Variants in TLDC2 observed in about 807,000 individuals in gnomAD.
TLDC2 encodes the protein TBC/LysM-associated domain containing 2.
TLDC2 carries 23 observed loss-of-function variants against 27.9 expected under a neutral mutation model. That is an observed-to-expected ratio of 0.82 (90% CI 0.59 to 1.17). TLDC2 has a LOEUF of 1.17. Ranked by LOEUF, TLDC2 falls within the 50% of genes most tolerant of loss-of-function variation. The pLI is 0.00. For synonymous variants in TLDC2, 124 were observed against 107.4 expected, an observed-to-expected ratio of 1.16 and a Z score of -0.96; for missense variants, 286 against 273.4, an observed-to-expected ratio of 1.05 and a Z score of -0.32.
intron 3 of TLDC2, among the ~76,000 whole-genome samples, chr20:36,879,556 G>A (rs113716636): frequency 4.5e-4 from 69 of 151,994 alleles, no homozygotes; most frequent in African/African-American, 1.7e-3. Flanking sequence ...GAAACTATGG[G>A]GGTGCTGGGC....
chr20:36,880,844 G>GA, intron 4 of TLDC2, 94 bp downstream of exon 4: 5 of 1,157,540 alleles, frequency 4.3e-6, no homozygotes, highest in African/African-American at 1.5e-5. Flanking sequence ...CTCCACGATG[G>GA]GCTGCCTGGT....
chr20:36,879,550 C>T (rs1038819005), intron 3 of TLDC2, among the ~76,000 whole-genome samples: 2 of 151,966 alleles, frequency 1.3e-5, no homozygotes, highest in Admixed American at 1.3e-4. Flanking sequence ...GCAGAAGAAA[C>T]TATGGGGGTG....
intron 3 of TLDC2, among the ~76,000 whole-genome samples, chr20:36,879,732 G>T (rs1989758106): frequency 1.3e-5 from 2 of 151,718 alleles, no homozygotes; most frequent in Admixed American, 6.6e-5. Context: ...AGCCAGGTGT[G>T]GTGGTGTATG....
Position 36,877,922 on chromosome 20 carries a change from G to A in TLDC2, c.57G>A (p.Leu19=), listed in dbSNP as rs1989709754. 2.5e-6 allele frequency: 4 copies of A among 1,613,792 alleles called. No individual in the cohort carries two copies. The highest frequency in any genetic ancestry group is 2.5e-6 in the Non-Finnish European group (3 of 1,179,892). Residue 19 remains leucine (L), a synonymous_variant, in exon 2 of 7, where the codon CTG becomes CTA. Transcript: ENST00000217320. ...TRLPSQVEDT[L]SGEEGNEEEE... The stretch of plus-strand genomic sequence containing the variant: ...AGCCCAGCCAGGTGGAGGACACCCT[G>A]TCTGGGGAGGAGGGTAACGAAGAGG...
chr20:36,887,138 A>G (rs1314695736), intron 4 of TLDC2, among the ~76,000 whole-genome samples: 2 of 152,100 alleles, frequency 1.3e-5, no homozygotes, highest in East Asian at 3.9e-4. Flanking sequence ...GGGCAGTATC[A>G]GTTCCCACTC....
rs1250852040 is a variant in TLDC2 at position 36,876,190 on chromosome 20, T to C, written c.16T>C (p.Trp6Arg). 3.1e-6 allele frequency: 5 copies of C among 1,614,160 alleles called. No homozygotes were observed. Among genetic ancestry groups the C allele is most frequent in the Non-Finnish European group, 4.2e-6 (5 of 1,179,994 alleles). The change falls in exon 1 of 7, where the codon TGG (tryptophan) becomes CGG (arginine). Residue 6 changes from tryptophan (W) to arginine (R), a missense_variant. Coordinates refer to ENST00000217320, the MANE Select transcript of TLDC2 (RefSeq NM_080628.3). ...GGACAGGAGAATGAGAGGCCTCCGC[T>C]GGCGTTACACTCGGCTGGTAAGGGT... MRGLR[W>R]RYTRLPSQVE... is the part of the protein sequence containing the mutation.
At chr20:36,880,070 C>CATATATATATATATATATAT (rs1186641126) in intron 3 of TLDC2, among the ~76,000 whole-genome samples, 3 of 73,048 alleles carry the variant, frequency 4.1e-5, no homozygotes, top group African/African-American at 9.4e-5. Flanking sequence ...TATATATATA[C>CATATATATATATATATATAT]ATATATATAT....
chr20:36,889,718 A>G (rs929462395), intron 6 of TLDC2: 11 of 207,076 alleles, frequency 5.3e-5, no homozygotes, highest in African/African-American at 2.3e-4. Flanking sequence ...ATTTTTCACT[A>G]TGCTGTTCCT....
At position 36,877,398 on chromosome 20, in the gene TLDC2, G is replaced by A. The variant is rs1387165209; in HGVS notation, c.34-501G>A. Among the ~76,000 whole-genome samples, 25 of 131,514 alleles carry A rather than the reference G, an allele frequency of 1.9e-4. 1 individual carries two copies. The highest frequency in any genetic ancestry group is 5.5e-4 in the African/African-American group (19 of 34,310). The allele number at this position is 131,514 out of a possible 152,430, so 86.3% of individuals were successfully genotyped here. A position where few individuals can be genotyped will look rare whatever the true frequency, so the allele number is the denominator to read the frequency against. On this transcript the variant is annotated intron_variant, in intron 1 of 6. Transcript: ENST00000217320. ...CCTGTCTCAAAAAAAAAAAAAAAAG[G>A]AAAAAGAAAAAAGAAGAAGAAACAC... is the stretch of plus-strand genomic sequence containing the variant.
chr20:36,883,952 G>A (rs1254236498), intron 4 of TLDC2, among the ~76,000 whole-genome samples: 1 of 152,188 alleles, frequency 6.6e-6, no homozygotes, highest in African/African-American at 2.4e-5. Context: ...AAATTAGCCA[G>A]ACATGGTGGT....
chr20:36,890,054 C>G (rs1990023196), intron 6 of TLDC2: 1 of 152,206 alleles, frequency 6.6e-6, no homozygotes. Flanking sequence ...CAGCGTCGTT[C>G]CTCCTCTGGC....
At chr20:36,880,873 A>C in intron 4 of TLDC2, 123 bp downstream of exon 4, 1 of 871,662 alleles carries the variant, frequency 1.1e-6, no homozygotes, top group Non-Finnish European at 1.9e-6. Context: ...ATCTTCCCAC[A>C]GGGGAATGAG....
intron 4 of TLDC2, 55 bp from the exon 5 acceptor site, chr20:36,887,400 C>T (rs1989944450): frequency 6.6e-7 from 1 of 1,525,580 alleles, no homozygotes; most frequent in Admixed American, 1.7e-5. Context: ...GGTCAAACTG[C>T]AAGGGCGGGA....
intron 2 of TLDC2, among the ~76,000 whole-genome samples, chr20:36,878,570 G>T (rs1989727769): frequency 6.6e-6 from 1 of 152,058 alleles, no homozygotes; most frequent in Non-Finnish European, 1.5e-5. Flanking sequence ...GACAGAGTGA[G>T]ACTCTGTCTC....
At chr20:36,879,217 C>G in intron 3 of TLDC2, 24 bp downstream of exon 3, 1 of 1,603,312 alleles carries the variant, frequency 6.2e-7, no homozygotes, top group East Asian at 2.2e-5. Flanking sequence ...GGGCACCACC[C>G]GAGGCTCTGG....
chr20:36,894,124 A>T lies in TLDC2; in HGVS notation c.*1280A>T, dbSNP rs1441341254. 4 of 395,530 alleles carry T rather than the reference A, an allele frequency of 1.0e-5. No individual in the cohort carries two copies. The highest frequency in any genetic ancestry group is 1.8e-5 in the Non-Finnish European group (4 of 224,940). 24.5% of individuals were successfully genotyped at this position (395,530 alleles called of 1,614,324 possible). A position where few individuals can be genotyped will look rare whatever the true frequency, so the allele number is the denominator to read the frequency against. ...TCCTGCTGTTGAATCACTGTCCTCT[A>T]TGCTCATTTAGCTCTGCCAAAACTT... On this transcript the variant is annotated 3_prime_UTR_variant, in exon 7 of 7. Transcript: ENST00000217320.
intron 6 of TLDC2, 22 bp from the exon 7 acceptor site, chr20:36,892,840 A>G (rs1245701093): frequency 1.3e-6 from 2 of 1,495,260 alleles, no homozygotes; most frequent in African/African-American, 1.4e-5. Flanking sequence ...AAATTAAAGC[A>G]TGAGTTGTCA....
At chr20:36,878,920 A>G in intron 2 of TLDC2, 121 bp from the exon 3 acceptor site, 1 of 1,446,740 alleles carries the variant, frequency 6.9e-7, no homozygotes, top group Non-Finnish European at 9.6e-7. Context: ...AGAAACAGCA[A>G]ACTGCTCTAT....
intron 4 of TLDC2, among the ~76,000 whole-genome samples, chr20:36,881,485 G>A (rs1376145082): frequency 6.6e-6 from 1 of 152,196 alleles, no homozygotes. Context: ...GCCTGCTGGA[G>A]AACACCGGAG....
Sources: allele counts gnomAD v4.1 joint callset (sites outside exome capture counted in the v4.1 genomes callset), GRCh38; gene constraint gnomAD v4.1.1; transcripts MANE v1.5; gene names NCBI Gene and HGNC (gene_info 2026-07-23, HGNC 2026-07-21).